BPIFC: variants seen among roughly 807,000 people sequenced by gnomAD.
BPIFC encodes BPI fold containing family C, also known as BPI fold-containing family C protein.
Under a neutral mutation model 57.6 loss-of-function variants are expected in BPIFC, and 60 were observed. The observed-to-expected ratio is 1.04, with a 90% CI of 0.85 to 1.29. The LOEUF is 1.29. Among genes scored for constraint, BPIFC ranks in the 50% most tolerant of loss-of-function variants. BPIFC has a pLI of 0.00. For missense variants in BPIFC, 581 were observed against 600.5 expected (o/e 0.97, Z 0.34); for synonymous variants, 243 against 224.5 (o/e 1.08, Z -0.74).
chr22:32,455,134 T>G (rs1406004563), intron 3 of BPIFC, among the ~76,000 whole-genome samples: 1 of 140,654 alleles, frequency 7.1e-6, no homozygotes, highest in East Asian at 2.3e-4. Flanking sequence ...CACTGCAACC[T>G]CTGCCTCCTG....
chr22:32,423,156 T>C (rs1197739422), intron 13 of BPIFC, among the ~76,000 whole-genome samples: 1 of 152,186 alleles, frequency 6.6e-6, no homozygotes, highest in Non-Finnish European at 1.5e-5. Flanking sequence ...GATGAAGAGC[T>C]TGAAAACCTC....
chr22:32,446,058 T>C lies in BPIFC; in HGVS notation c.375-62A>G, dbSNP rs1934720567. ...CAGGCACAGAGATGGATCTTGTTTC[T>C]CTGATTACCCAGAGACTCTAAGCTC... On this transcript the variant is annotated intron_variant, in intron 5 of 16. Transcript: ENST00000300399. The C allele has an allele frequency of 7.0e-6, 11 of 1,577,994 alleles. 1 individual carries two copies. In the South Asian group the frequency reaches 1.3e-4, roughly 18 times the overall value.
At chr22:32,445,735 A>AAAAAAAAAAAAC in intron 6 of BPIFC, 37 bp from the exon 7 acceptor site, 1 of 1,520,378 alleles carries the variant, frequency 6.6e-7, no homozygotes, top group Non-Finnish European at 8.9e-7. Flanking sequence ...AAAAAAAAAA[A>AAAAAAAAAAAAC]GAGGTTACTC....
intron 8 of BPIFC, among the ~76,000 whole-genome samples, chr22:32,441,903 G>A (rs1376383762): frequency 5.3e-5 from 8 of 152,212 alleles, no homozygotes; most frequent in Admixed American, 5.2e-4. Context: ...ATTCCCATAA[G>A]GCACATGCAA....
At chr22:32,435,914 A>C in intron 9 of BPIFC, 34 bp from the exon 10 acceptor site, 1 of 1,579,938 alleles carries the variant, frequency 6.3e-7, no homozygotes, top group Non-Finnish European at 8.6e-7. Context: ...CCAGTGTATC[A>C]GGTGAAAACT....
chr22:32,432,675 A>G (rs978631833), intron 11 of BPIFC, 132 bp from the exon 12 acceptor site: 11 of 845,310 alleles, frequency 1.3e-5, no homozygotes, highest in African/African-American at 1.7e-5. Flanking sequence ...CTCTTTAATA[A>G]TCATAATTAC....
chr22:32,460,720 C>T (rs924215258), intron 2 of BPIFC, among the ~76,000 whole-genome samples: 3 of 152,172 alleles, frequency 2.0e-5, no homozygotes, highest in Non-Finnish European at 4.4e-5. Context: ...TTATGACTTC[C>T]CTGAGTTAAT....
At chr22:32,449,276 A>G (rs544287048) in intron 4 of BPIFC, among the ~76,000 whole-genome samples, 3 of 152,322 alleles carry the variant, frequency 2.0e-5, no homozygotes, top group Non-Finnish European at 4.4e-5. Flanking sequence ...ACCAGATTCA[A>G]TCACTCAAAA....
In BPIFC at chr22:32,431,484, A is replaced by G. The variant is rs898368136; in HGVS notation, c.1150-70T>C. 1.5e-5 allele frequency: 16 copies of G among 1,090,110 alleles called. 1 individual carries two copies. The highest frequency in any genetic ancestry group is 1.9e-5 in the Admixed American group (1 of 53,564). The allele number at this position is 1,090,110 out of a possible 1,614,324, so 67.5% of individuals were successfully genotyped here. ...ATTTTGGCCATCAGTATAATTTCCA[A>G]TAGTTGAAACATTATAAGCCCAACA... On this transcript the variant is annotated intron_variant, in intron 12 of 16. Coordinates refer to ENST00000300399, the MANE Select transcript of BPIFC (RefSeq NM_174932.3).
intron 3 of BPIFC, among the ~76,000 whole-genome samples, chr22:32,453,882 A>C (rs1468872053): frequency 2.6e-5 from 4 of 152,132 alleles, no homozygotes. Flanking sequence ...AAGGAGTTTG[A>C]AACCAGTCTG....
intron 13 of BPIFC, among the ~76,000 whole-genome samples, chr22:32,429,092 T>C (rs1934155124): frequency 6.6e-6 from 1 of 152,220 alleles, no homozygotes; most frequent in South Asian, 2.1e-4. Flanking sequence ...CTCTTCCAGA[T>C]GCAAAGCTAT....
chr22:32,428,991 T>G (rs545314836), intron 13 of BPIFC, among the ~76,000 whole-genome samples: 1 of 152,098 alleles, frequency 6.6e-6, no homozygotes, highest in Admixed American at 6.6e-5. Context: ...TAATCCCATA[T>G]CCTAATACAA....
At chr22:32,427,637 A>ATATC in intron 13 of BPIFC, among the ~76,000 whole-genome samples, 1 of 152,238 alleles carries the variant, frequency 6.6e-6, no homozygotes, top group South Asian at 2.1e-4. Context: ...CCGATCTCAG[A>ATATC]TGCTGCCAAT....
chr22:32,463,795 T>C (rs1039009079), intron 1 of BPIFC, among the ~76,000 whole-genome samples: 3 of 152,164 alleles, frequency 2.0e-5, no homozygotes, highest in African/African-American at 4.8e-5. Context: ...TCTAGTTTTA[T>C]AGCAACATCT....
intron 2 of BPIFC, among the ~76,000 whole-genome samples, chr22:32,458,169 G>A (rs1035816056): frequency 6.6e-6 from 1 of 152,034 alleles, no homozygotes; most frequent in Non-Finnish European, 1.5e-5. Context: ...CTGATGGAAT[G>A]ACCCTATGCC....
At chr22:32,441,227 C>T (rs576421608) in intron 8 of BPIFC, among the ~76,000 whole-genome samples, 3 of 152,294 alleles carry the variant, frequency 2.0e-5, no homozygotes, top group Non-Finnish European at 2.9e-5. Flanking sequence ...TTTCTACTCC[C>T]TTTGGGTTTT....
intron 12 of BPIFC, among the ~76,000 whole-genome samples, chr22:32,431,854 C>A (rs142296336): frequency 6.6e-6 from 1 of 152,076 alleles, no homozygotes; most frequent in African/African-American, 2.4e-5. Context: ...GAAGAGCGTG[C>A]ATGAAGTAGA....
rs1934371701 is a variant in BPIFC, at chr22:32,435,726, T to C, written c.902A>G (p.Asn301Ser). The C allele has an allele frequency of 6.2e-7, 1 of 1,614,030 alleles. No homozygotes were observed. Among genetic ancestry groups the C allele is most frequent in the East Asian group, 2.2e-5 (1 of 44,886 alleles). Reference sequence around the variant, plus strand: ...CACCTCTTCGGTGGAGAGAGTGACATTGAAAACCCCAGCTGTGAAATGAGC... The same window carrying C: ...CACCTCTTCGGTGGAGAGAGTGACACTGAAAACCCCAGCTGTGAAATGAGC... ...SFAHFTAGVF[N>S]VTLSTEEISN... The change falls in exon 10 of 17, where the codon AAT becomes AGT. Residue 301 changes from asparagine to serine, a missense_variant. Transcript: ENST00000300399.
chr22:32,447,832 C>A (rs1934773084), intron 4 of BPIFC, among the ~76,000 whole-genome samples: 1 of 151,992 alleles, frequency 6.6e-6, no homozygotes. Flanking sequence ...TGGTCTTGAA[C>A]TCCTGGCCTC....
Sources: allele counts gnomAD v4.1 joint callset (sites outside exome capture counted in the v4.1 genomes callset), GRCh38; gene constraint gnomAD v4.1.1; transcripts MANE v1.5; gene names NCBI Gene and HGNC (gene_info 2026-07-23, HGNC 2026-07-21).